DLG2: variants seen among roughly 807,000 people sequenced by gnomAD.
DLG2 encodes the protein discs large MAGUK scaffold protein 2.
Under a neutral mutation model 132.5 loss-of-function variants are expected in DLG2, and 45 were observed. That is an observed-to-expected ratio of 0.34 (90% CI 0.27 to 0.44). The LOEUF (loss-of-function observed/expected upper bound fraction) is 0.44, where lower values mean the gene tolerates loss of function less well. DLG2 is among the 20% of genes least tolerant of loss of function. DLG2 has a pLI of 1.00. For synonymous variants in DLG2, 424 were observed against 419.6 expected (o/e 1.01, Z -0.13); for missense variants, 1,045 against 1,196.9 (o/e 0.87, Z 1.87).
chr11:83,769,383 C>T (rs760819439), intron 18 of DLG2, among the ~76,000 whole-genome samples: 1 of 152,000 alleles, frequency 6.6e-6, no homozygotes, highest in African/African-American at 2.4e-5. Flanking sequence ...TCACTCCTTT[C>T]CCCCATGAAG....
chr11:84,611,228 T>C (rs1226019280), intron 6 of DLG2, among the ~76,000 whole-genome samples: 2 of 152,128 alleles, frequency 1.3e-5, no homozygotes, highest in Non-Finnish European at 2.9e-5. Context: ...AGTTTTGGCA[T>C]ATAGTTTGAG....
intron 7 of DLG2, among the ~76,000 whole-genome samples, chr11:84,423,288 T>C (rs949385232): frequency 2.0e-5 from 3 of 152,120 alleles, no homozygotes; most frequent in Non-Finnish European, 2.9e-5. Flanking sequence ...GCAATAAAAA[T>C]AATACATTCA....
intron 21 of DLG2, among the ~76,000 whole-genome samples, chr11:83,499,858 T>G (rs1202772693): frequency 8.9e-5 from 4 of 44,848 alleles, no homozygotes; most frequent in African/African-American, 2.8e-4. Context: ...AGGAGATATA[T>G]ATATATATAT....
intron 10 of DLG2, among the ~76,000 whole-genome samples, chr11:84,060,181 T>C (rs370774058): frequency 6.6e-6 from 1 of 151,922 alleles, no homozygotes; most frequent in East Asian, 1.9e-4. Flanking sequence ...GGCATGGTGG[T>C]GTGTGCCTGT....
At chr11:85,403,962 G>T (rs1465348164) in intron 3 of DLG2, among the ~76,000 whole-genome samples, 1 of 152,016 alleles carries the variant, frequency 6.6e-6, no homozygotes, top group Admixed American at 6.6e-5. Context: ...GTTGTAATAG[G>T]TGAAGCGGGG....
intron 7 of DLG2, among the ~76,000 whole-genome samples, chr11:84,360,622 T>C (rs561005457): frequency 5.9e-5 from 9 of 152,026 alleles, no homozygotes; most frequent in Middle Eastern, 3.4e-3. Flanking sequence ...GTTTCTCCAA[T>C]GCACTGAAGA....
chr11:85,510,911 A>G (rs1388601732), intron 3 of DLG2, among the ~76,000 whole-genome samples: 2 of 152,188 alleles, frequency 1.3e-5, no homozygotes, highest in African/African-American at 4.8e-5. Context: ...TGCTATAAAG[A>G]CACGTGCACA....
At chr11:83,825,122 C>CAT (rs1243682505) in intron 17 of DLG2, among the ~76,000 whole-genome samples, 83 of 117,942 alleles carry the variant, frequency 7.0e-4, no homozygotes, top group East Asian at 1.8e-3. Context: ...TATATATACA[C>CAT]ATATATATAT....
intron 8 of DLG2, among the ~76,000 whole-genome samples, chr11:84,171,189 A>C (rs1230751662): frequency 6.6e-6 from 1 of 152,168 alleles, no homozygotes; most frequent in African/African-American, 2.4e-5. Context: ...TCAAACCAAA[A>C]GAAAAAACTT....
intron 18 of DLG2, among the ~76,000 whole-genome samples, chr11:83,748,405 A>G (rs2093067880): frequency 6.6e-6 from 1 of 152,204 alleles, no homozygotes; most frequent in Non-Finnish European, 1.5e-5. Context: ...GTTTAAATAA[A>G]GCCAAGCTTT....
intron 3 of DLG2, among the ~76,000 whole-genome samples, chr11:85,374,700 T>A (rs1183773977): frequency 6.6e-6 from 1 of 152,136 alleles, no homozygotes; most frequent in Non-Finnish European, 1.5e-5. Context: ...GTACTGGCAC[T>A]CAAAACCTAG....
At chr11:84,219,356 G>A (rs913860345) in intron 8 of DLG2, among the ~76,000 whole-genome samples, 3 of 152,122 alleles carry the variant, frequency 2.0e-5, no homozygotes, top group African/African-American at 4.8e-5. Flanking sequence ...TTGTTACGGG[G>A]AGATTTTGAA....
intron 6 of DLG2, among the ~76,000 whole-genome samples, chr11:84,728,237 A>G (rs573803640): frequency 6.6e-6 from 1 of 152,050 alleles, no homozygotes; most frequent in Non-Finnish European, 1.5e-5. Context: ...TGTCATAAAT[A>G]CCTCTTATTA....
chr11:83,571,026 G>A (rs908769974), intron 19 of DLG2, among the ~76,000 whole-genome samples: 2 of 151,984 alleles, frequency 1.3e-5, no homozygotes, highest in African/African-American at 2.4e-5. Flanking sequence ...GGGATTACAG[G>A]CATGCACCAC....
intron 8 of DLG2, among the ~76,000 whole-genome samples, chr11:84,215,845 A>T (rs1400143096): frequency 6.6e-6 from 1 of 152,206 alleles, no homozygotes; most frequent in African/African-American, 2.4e-5. Flanking sequence ...GTATTGGACA[A>T]TGTCTTAGAA....
intron 6 of DLG2, among the ~76,000 whole-genome samples, chr11:84,758,674 T>C (rs59858793): frequency 0.01 from 1,577 of 152,276 alleles, 23 homozygotes; most frequent in African/African-American, 0.027. Flanking sequence ...CTATTTAGTT[T>C]ACAAAACGTT....
intron 6 of DLG2, among the ~76,000 whole-genome samples, chr11:84,944,307 A>G (rs1358251429): frequency 6.6e-6 from 1 of 152,114 alleles, no homozygotes; most frequent in African/African-American, 2.4e-5. Flanking sequence ...TTATCCCTTC[A>G]AATAAACTTT....
intron 3 of DLG2, among the ~76,000 whole-genome samples, chr11:85,516,332 C>T (rs1427651071): frequency 6.6e-6 from 1 of 151,954 alleles, no homozygotes; most frequent in African/African-American, 2.4e-5. Flanking sequence ...TAAATTTATA[C>T]ATCCAAAGGA....
At chr11:84,176,851 C>T (rs563379392) in intron 8 of DLG2, among the ~76,000 whole-genome samples, 5 of 152,182 alleles carry the variant, frequency 3.3e-5, no homozygotes, top group Admixed American at 3.3e-4. Flanking sequence ...TAGCTCACTG[C>T]TGCTTGCTTG....
Sources: allele counts gnomAD v4.1 joint callset (sites outside exome capture counted in the v4.1 genomes callset), GRCh38; gene constraint gnomAD v4.1.1; transcripts MANE v1.5; gene names NCBI Gene and HGNC (gene_info 2026-07-23, HGNC 2026-07-21).